The following GHRHR variants were observed in gnomAD, a reference collection of about 807,000 sequenced individuals.
GHRHR encodes the protein growth hormone releasing hormone receptor.
In GHRHR, 40 loss-of-function variants were observed where a neutral mutation model predicts 58.3. The observed-to-expected ratio is 0.69, with a 90% CI of 0.53 to 0.89. GHRHR has a LOEUF of 0.89. Among genes scored for constraint, GHRHR ranks in the 40% least tolerant of loss-of-function variants. The pLI, the probability that GHRHR is intolerant of heterozygous loss-of-function variation, is 0.00. For missense variants in GHRHR, 551 were observed against 541.3 expected, an observed-to-expected ratio of 1.02 and a Z score of -0.18; for synonymous variants, 249 against 216.6, an observed-to-expected ratio of 1.15 and a Z score of -1.31.
intron 1 of GHRHR, among the ~76,000 whole-genome samples, chr7:30,966,129 A>G (rs1792344988): frequency 1.3e-5 from 2 of 152,128 alleles, no homozygotes; most frequent in African/African-American, 4.8e-5. Flanking sequence ...CCAGGGTAGC[A>G]CTGGTGGGGG....
In GHRHR at chr7:30,969,087, T is replaced by C; in HGVS notation, c.185T>C (p.Leu62Pro). Reference protein sequence around the residue: ...TLGCPATWDGLLCWPTAGSGE... With the variant: ...TLGCPATWDGPLCWPTAGSGE... ...GGCTGCCCTGCGACCTGGGATGGGCTGCTGTGCTGGCCAACGGCAGGCTCT... is the reference window on the plus strand; with the variant it reads ...GGCTGCCCTGCGACCTGGGATGGGCCGCTGTGCTGGCCAACGGCAGGCTCT... The change falls in exon 3 of 13, where the codon CTG becomes CCG. Residue 62 changes from leucine (L) to proline (P), a missense_variant. Leu to Pro is a moderately conservative substitution (Grantham distance 98). Coordinates refer to ENST00000326139, the MANE Select transcript of GHRHR (RefSeq NM_000823.4). 1 of 1,581,526 alleles carries C rather than the reference T, an allele frequency of 6.3e-7. No individual in the cohort carries two copies. The highest frequency in any genetic ancestry group is 8.6e-7 in the Non-Finnish European group (1 of 1,163,366).
intron 2 of GHRHR, 41 bp from the exon 3 acceptor site, chr7:30,969,022 C>A (rs1419147981): frequency 6.5e-7 from 1 of 1,529,176 alleles, no homozygotes; most frequent in Non-Finnish European, 9.0e-7. Flanking sequence ...GACAGCCCTG[C>A]ACCTGGGCTG....
At chr7:30,969,408 C>T (rs1792434236) in intron 3 of GHRHR, 2 of 606,226 alleles carry the variant, frequency 3.3e-6, no homozygotes, top group East Asian at 5.7e-5. Context: ...AAGTGCTGGA[C>T]CTGGATGCCC....
intron 4 of GHRHR, among the ~76,000 whole-genome samples, chr7:30,970,797 G>A (rs1367994770): frequency 2.0e-5 from 3 of 152,202 alleles, no homozygotes; most frequent in Non-Finnish European, 4.4e-5. Flanking sequence ...TAAACAAGCT[G>A]ATTTCCTCTT....
chr7:30,975,768 T>C lies in GHRHR; in HGVS notation c.883-9T>C. 6.3e-7 allele frequency: 1 copy of C among 1,577,396 alleles called. No individual in the cohort carries two copies. Among genetic ancestry groups the C allele is most frequent in the South Asian group, 1.1e-5 (1 of 90,348 alleles). ...CTTGTCTTCCACCTTCCTATGCCTC[T>C]ATTTCCAGGTGAACTTTGGGCTTTT... On this transcript the variant is annotated splice_polypyrimidine_tract_variant and intron_variant, in intron 9 of 12. Coordinates refer to ENST00000326139, the MANE Select transcript of GHRHR (RefSeq NM_000823.4).
At position 30,971,958 on chromosome 7, in the gene GHRHR, C is replaced by T; in HGVS notation, c.465-5C>T. 1 of 1,613,732 alleles carries T rather than the reference C, an allele frequency of 6.2e-7. No individual in the cohort carries two copies. Among genetic ancestry groups the T allele is most frequent in the Non-Finnish European group, 8.5e-7 (1 of 1,179,740 alleles). ...CTTGTTCCTCATTTCTCCCATTACCCCCAGGAGGCTCCACTGCCCCCGGAA... is the reference window on the plus strand; with the variant it reads ...CTTGTTCCTCATTTCTCCCATTACCTCCAGGAGGCTCCACTGCCCCCGGAA... On this transcript the variant is annotated splice_polypyrimidine_tract_variant and splice_region_variant and intron_variant, in intron 5 of 12. Transcript: ENST00000326139.
chr7:30,971,273 G>A (rs900494026), intron 5 of GHRHR, 57 bp downstream of exon 5: 1 of 793,236 alleles, frequency 1.3e-6, no homozygotes, highest in South Asian at 1.4e-5. Context: ...TTTCCCAGAG[G>A]GTCAAGTCTG....
At chr7:30,971,061 C>A in intron 4 of GHRHR, 58 bp from the exon 5 acceptor site, 1 of 781,730 alleles carries the variant, frequency 1.3e-6, no homozygotes. Flanking sequence ...ATTGTCAAGC[C>A]TCTCTTTCCT....
rs370074960 is a variant in GHRHR, at chr7:30,975,034, G to A, written c.876G>A (p.Ser292=). 1.3e-4 allele frequency: 206 copies of A among 1,609,850 alleles called. No individual in the cohort carries two copies. Among genetic ancestry groups the A allele is most frequent in the Non-Finnish European group, 1.6e-4 (188 of 1,176,102 alleles). ...TCATCAAAGGGCCCATTGTCCTCTC[G>A]GTCGGGGTCAGTCCCTGGGCCAGTG... ...WWIIKGPIVL[S]VGVNFGLFLN... Residue 292 remains serine (S), a synonymous_variant, in exon 9 of 13, where the codon TCG becomes TCA. Transcript: ENST00000326139.
rs1237369718 is a variant in GHRHR, at chr7:30,969,624, C to T, written c.269-243C>T. 37 of 614,752 alleles carry T rather than the reference C, an allele frequency of 6.0e-5. No homozygotes were observed. The East Asian group carries it at 8.7e-4, about 14-fold the overall frequency. 38.1% of individuals were successfully genotyped at this position (614,752 alleles called of 1,614,324 possible). Reference sequence around the variant, plus strand: ...GGCAGCCCAGCTCACCACTCCTCACCCCTCAGGGGAATAATCCTCTTTGTG... The same window carrying T: ...GGCAGCCCAGCTCACCACTCCTCACTCCTCAGGGGAATAATCCTCTTTGTG... On this transcript the variant is annotated intron_variant, in intron 3 of 12. Coordinates refer to ENST00000326139, the MANE Select transcript of GHRHR (RefSeq NM_000823.4).
rs368859494 is a variant in GHRHR, at chr7:30,974,454, G to A, written c.777G>A (p.Thr259=). The change falls in exon 8 of 13, where the codon ACG becomes ACA. Residue 259 remains threonine, a synonymous_variant. Transcript: ENST00000326139. ...GGCTGCCCGTGCTCTTCACTGGCACGTGGGTGAGCTGCAAACTGGCCTTCG... is the reference window on the plus strand; with the variant it reads ...GGCTGCCCGTGCTCTTCACTGGCACATGGGTGAGCTGCAAACTGGCCTTCG... ...GWGLPVLFTG[T]WVSCKLAFED... 47 of 1,613,018 alleles carry A rather than the reference G, an allele frequency of 2.9e-5. No homozygotes were observed. Among genetic ancestry groups the A allele is most frequent in the African/African-American group, 5.3e-5 (4 of 74,876 alleles).
At chr7:30,968,495 G>A (rs1792401000) in intron 1 of GHRHR, among the ~76,000 whole-genome samples, 1 of 151,954 alleles carries the variant, frequency 6.6e-6, no homozygotes, top group South Asian at 2.1e-4. Context: ...CTTTTCCGGG[G>A]TGACTTTGGG....
At chr7:30,968,196 C>T (rs765769239) in intron 1 of GHRHR, among the ~76,000 whole-genome samples, 3 of 152,112 alleles carry the variant, frequency 2.0e-5, no homozygotes, top group South Asian at 2.1e-4. Context: ...GTCCTTTTGC[C>T]GTTTAAGGTA....
At chr7:30,973,864 C>T in intron 6 of GHRHR, 121 bp from the exon 7 acceptor site, 2 of 961,624 alleles carry the variant, frequency 2.1e-6, no homozygotes, top group South Asian at 2.7e-5. Flanking sequence ...GCCCAAGGAG[C>T]TGCAGGTCCC....
intron 1 of GHRHR, 53 bp from the exon 2 acceptor site, chr7:30,968,781 G>A (rs1792412011): frequency 1.6e-6 from 2 of 1,219,390 alleles, no homozygotes; most frequent in South Asian, 2.4e-5. Context: ...GGACCACAGA[G>A]CCCAGAAAGA....
intron 6 of GHRHR, 95 bp downstream of exon 6, chr7:30,972,190 G>A (rs1792494685): frequency 1.4e-6 from 2 of 1,419,408 alleles, no homozygotes; most frequent in African/African-American, 1.4e-5. Flanking sequence ...CCTGCCCTGT[G>A]GGCTGACCCT....
At chr7:30,968,631 TC>T (rs1792407320) in intron 1 of GHRHR, among the ~76,000 whole-genome samples, 1 of 22,768 alleles carries the variant, frequency 4.4e-5, no homozygotes, top group East Asian at 1.8e-3. Flanking sequence ...CCTCCCTCCC[TC>T]CCTCCCTCCC....
intron 1 of GHRHR, among the ~76,000 whole-genome samples, chr7:30,966,178 T>C (rs1180129852): frequency 6.6e-6 from 1 of 152,148 alleles, no homozygotes; most frequent in African/African-American, 2.4e-5. Context: ...GATTTTCTCC[T>C]ATCCCACAAA....
intron 1 of GHRHR, among the ~76,000 whole-genome samples, chr7:30,964,652 A>G (rs1792304260): frequency 6.6e-6 from 1 of 152,150 alleles, no homozygotes; most frequent in Admixed American, 6.5e-5. Context: ...AAGGAATGGA[A>G]CCTAAGGAGT....
Sources: allele counts gnomAD v4.1 joint callset (sites outside exome capture counted in the v4.1 genomes callset), GRCh38; gene constraint gnomAD v4.1.1; transcripts MANE v1.5; gene names NCBI Gene and HGNC (gene_info 2026-07-23, HGNC 2026-07-21).